CIITA: variants seen among roughly 807,000 people sequenced by gnomAD.
CIITA encodes the protein class II major histocompatibility complex transactivator.
Under a neutral mutation model 115.1 loss-of-function variants are expected in CIITA, and 72 were observed. The observed-to-expected ratio is 0.63, with a 90% CI of 0.52 to 0.76. The LOEUF (loss-of-function observed/expected upper bound fraction) is 0.76, where lower values mean the gene tolerates loss of function less well. CIITA is among the 30% of genes least tolerant of loss of function. The pLI, the probability that CIITA is intolerant of heterozygous loss-of-function variation, is 0.00. For missense variants in CIITA, 1,617 were observed against 1,463.8 expected, an observed-to-expected ratio of 1.10 and a Z score of -1.71; for synonymous variants, 763 against 635.6, an observed-to-expected ratio of 1.20 and a Z score of -3.02.
chr16:10,910,737 G>C (rs1567429864), intron 13 of CIITA, among the ~76,000 whole-genome samples: 1 of 152,176 alleles, frequency 6.6e-6, no homozygotes, highest in Non-Finnish European at 1.5e-5. Context: ...CCTTCCATAG[G>C]AGGATGCCAC....
rs1014301124 is a variant in CIITA, at chr16:10,895,435, C to G, written c.199+7C>G. ...GAGATTGAGCTCTACTCAGGTGGGC[C>G]CTCCTCCCTCTGGTCTCTTCCGGTA... On this transcript the variant is annotated splice_region_variant and intron_variant, in intron 2 of 19. Transcript: ENST00000324288. The G allele has an allele frequency of 6.2e-7, 1 of 1,612,980 alleles. No individual in the cohort carries two copies. Among genetic ancestry groups the G allele is most frequent in the Non-Finnish European group, 8.5e-7 (1 of 1,179,998 alleles).
At chr16:10,867,982 G>A (rs551416322) in intron 1 of CIITA, among the ~76,000 whole-genome samples, 5 of 151,952 alleles carry the variant, frequency 3.3e-5, no homozygotes, top group South Asian at 2.1e-4. Context: ...GGCTGCTTGC[G>A]AACCCCTGAG....
chr16:10,882,021 A>T (rs2036481080), intron 1 of CIITA, among the ~76,000 whole-genome samples: 1 of 152,162 alleles, frequency 6.6e-6, no homozygotes, highest in Non-Finnish European at 1.5e-5. Context: ...GCGGAATAGT[A>T]TTCTAATATG....
Position 10,907,250 on chromosome 16 carries a change from G to T in CIITA, c.1758G>T (p.Gly586=). The change falls in exon 11 of 20, where the codon GGG becomes GGT. Residue 586 remains glycine, a synonymous_variant. Transcript: ENST00000324288. The surrounding 1 kb of genome is among the most constrained non-coding windows in gnomAD (Gnocchi z 5.0). The part of the protein sequence containing the change: ...AYVMRYFESS[G]MTEHQDRALT... The stretch of plus-strand genomic sequence containing the variant: ...TGATGCGCTACTTTGAGAGCTCAGG[G>T]ATGACAGAGCACCAAGACAGAGCCC... 1 of 1,613,502 alleles carries T rather than the reference G, an allele frequency of 6.2e-7. No homozygotes were observed. The highest frequency in any genetic ancestry group is 8.5e-7 in the Non-Finnish European group (1 of 1,179,992).
rs989064255 is a variant in CIITA at position 10,883,211 on chromosome 16, C to T, written c.52+5829C>T. ...CAGTCACAAGATCCTCATCACTCCA[C>T]CCCCTACCCCAGCACCAGGGTCAGG... On this transcript the variant is annotated intron_variant, in intron 1 of 19. Transcript: ENST00000324288. Among the ~76,000 whole-genome samples, 9 of 152,198 alleles carry T rather than the reference C, an allele frequency of 5.9e-5. No homozygotes were observed. In the East Asian group the frequency reaches 1.7e-3, roughly 29 times the overall value.
intron 3 of CIITA, among the ~76,000 whole-genome samples, chr16:10,897,995 C>T (rs1003543668): frequency 3.3e-5 from 5 of 152,160 alleles, no homozygotes; most frequent in South Asian, 2.1e-4. Flanking sequence ...CCTCACTCTG[C>T]CACTGTGACC....
chr16:10,876,036 G>A (rs1038430044), upstream of CIITA, among the ~76,000 whole-genome samples: 1 of 152,134 alleles, frequency 6.6e-6, no homozygotes, highest in Admixed American at 6.5e-5. Flanking sequence ...TGTAATCCCA[G>A]CTGCTCGGGA....
Position 10,892,248 on chromosome 16 carries a change from C to T in CIITA, c.53-3034C>T, listed in dbSNP as rs564484340. Among the ~76,000 whole-genome samples the T allele has an allele frequency of 1.8e-4, 27 of 151,892 alleles. No homozygotes were observed. In the South Asian group the frequency reaches 3.7e-3, roughly 21 times the overall value. ...TTGAAGCAGGAGAATTGCTTGAATCCGGGAGGCAGAGGTTGCAGTGAGCCA... is the reference window on the plus strand; with the variant it reads ...TTGAAGCAGGAGAATTGCTTGAATCTGGGAGGCAGAGGTTGCAGTGAGCCA... On this transcript the variant is annotated intron_variant, in intron 1 of 19. Coordinates refer to ENST00000324288, the MANE Select transcript of CIITA (RefSeq NM_000246.4).
At chr16:10,941,015 CA>C (rs1160961158), downstream of CIITA, 2 of 152,248 alleles carry the variant, frequency 1.3e-5, no homozygotes, top group Non-Finnish European at 2.9e-5. The surrounding 1 kb of genome is among the most constrained non-coding windows in gnomAD (Gnocchi z 6.4). Flanking sequence ...GCAGCAAACC[CA>C]AGGCCAAAAG....
Position 10,907,647 on chromosome 16 carries a change from G to T in CIITA, c.2155G>T (p.Ala719Ser), listed in dbSNP as rs755306140. Reference sequence around the variant, plus strand: ...CTTCCTCCTGCAATGCTTCCTGGGGGCCCTGTGGCTGGCTCTGAGTGGCGA... The same window carrying T: ...CTTCCTCCTGCAATGCTTCCTGGGGTCCCTGTGGCTGGCTCTGAGTGGCGA... Reference protein sequence around the residue: ...PSFLLQCFLGALWLALSGEIK... With the variant: ...PSFLLQCFLGSLWLALSGEIK... Residue 719 changes from alanine to serine, a missense_variant, in exon 11 of 20, where the codon GCC (alanine) becomes TCC (serine). Coordinates refer to ENST00000324288, the MANE Select transcript of CIITA (RefSeq NM_000246.4). This position sits in a 1 kb window ranked among gnomAD's most constrained non-coding sequence, Gnocchi z 5.0. 4 of 1,614,228 alleles carry T rather than the reference G, an allele frequency of 2.5e-6. No individual in the cohort carries two copies. The South Asian group carries it at 4.4e-5, about 18-fold the overall frequency.
Position 10,941,949 on chromosome 16 carries a change from G to T in CIITA, n.1075G>T. 1.3e-6 allele frequency: 2 copies of T among 1,575,672 alleles called. No homozygotes were observed. Among genetic ancestry groups the T allele is most frequent in the South Asian group, 1.1e-5 (1 of 87,084 alleles). On this transcript the variant is annotated non_coding_transcript_exon_variant, in exon 2 of 2. Transcript: ENST00000573379. This position sits in a 1 kb window ranked among gnomAD's most constrained non-coding sequence, Gnocchi z 6.4. ...TAGAGGGCAGCAGCGGCGGCGGCAC[G>T]TAGGGGACCAGGGGGCCCAGTGCGT...
At chr16:10,876,855 A>G (rs1037407032), upstream of CIITA, among the ~76,000 whole-genome samples, 1 of 152,164 alleles carries the variant, frequency 6.6e-6, no homozygotes, top group African/African-American at 2.4e-5. Flanking sequence ...ATCTGGGCGG[A>G]GGGCTATGAT....
At position 10,906,914 on chromosome 16, in the gene CIITA, A is replaced by C. The variant is rs751115130; in HGVS notation, c.1422A>C (p.Pro474=). The C allele has an allele frequency of 6.2e-7, 1 of 1,613,334 alleles. No homozygotes were observed. The highest frequency in any genetic ancestry group is 1.3e-5 in the African/African-American group (1 of 74,908). ...AGGATCTGCTCTTCTCCCTGGGCCC[A>C]CAGCCACTCGTGGCGGCCGATGAGG... is the stretch of plus-strand genomic sequence containing the variant. ...GLQDLLFSLG[P]QPLVAADEVF... is the part of the protein sequence containing the mutation. The change falls in exon 11 of 20, where the codon CCA becomes CCC. Residue 474 remains proline, a synonymous_variant. Coordinates refer to ENST00000324288, the MANE Select transcript of CIITA (RefSeq NM_000246.4).
In CIITA at chr16:10,908,152, G is replaced by T; in HGVS notation, c.2657+3G>T. The stretch of plus-strand genomic sequence containing the variant: ...CTCAGCTGTGTCACCCGTTTCAGGT[G>T]GGGTGAGGGGCTTGGGGAAGAGACA... On this transcript the variant is annotated splice_donor_region_variant and intron_variant, in intron 11 of 19. Coordinates refer to ENST00000324288, the MANE Select transcript of CIITA (RefSeq NM_000246.4). 6.4e-7 allele frequency: 1 copy of T among 1,558,282 alleles called. No homozygotes were observed. The highest frequency in any genetic ancestry group is 8.7e-7 in the Non-Finnish European group (1 of 1,150,824).
rs2040536052 is a variant in CIITA, at chr16:10,926,483, G to A, written c.*2628G>A. Reference sequence around the variant, plus strand: ...TTGGTCTGTGTGATGATGAAATGAGGTCAGAGCCTGCAGTTATTAACACTA... The same window carrying A: ...TTGGTCTGTGTGATGATGAAATGAGATCAGAGCCTGCAGTTATTAACACTA... On this transcript the variant is annotated 3_prime_UTR_variant, in exon 20 of 20. Transcript: ENST00000324288. 3 of 152,222 alleles carry A rather than the reference G, an allele frequency of 2.0e-5. No homozygotes were observed. Among genetic ancestry groups the A allele is most frequent in the African/African-American group, 7.2e-5 (3 of 41,454 alleles). The allele number at this position is 152,222 out of a possible 1,614,324, so 9.4% of individuals were successfully genotyped here.
chr16:10,910,048 TAAGAGGGGGA>T, intron 12 of CIITA, 130 bp from the exon 13 acceptor site: 1 of 705,340 alleles, frequency 1.4e-6, no homozygotes, highest in African/African-American at 1.8e-5. Context: ...TCTTTTTTTT[TAAGAGGGGGA>T]CAACAGTTGC....
chr16:10,917,079 T>C (rs2039991946), intron 15 of CIITA: 1 of 221,458 alleles, frequency 4.5e-6, no homozygotes, highest in African/African-American at 2.2e-5. Context: ...GATTAGGATT[T>C]ATCAATAAAG....
intron 3 of CIITA, among the ~76,000 whole-genome samples, chr16:10,896,086 C>A (rs2038096207): frequency 6.6e-6 from 1 of 152,126 alleles, no homozygotes; most frequent in Non-Finnish European, 1.5e-5. Context: ...TACCATACAC[C>A]CCTTTCCCTT....
chr16:10,894,613 A>G (rs1336063452), intron 1 of CIITA, among the ~76,000 whole-genome samples: 2 of 152,256 alleles, frequency 1.3e-5, no homozygotes, highest in Admixed American at 6.5e-5. Flanking sequence ...AATAGTGTTA[A>G]AAGTATTTAA....
Sources: gnomAD v4.1 joint callset for allele counts (sites outside exome capture counted in the v4.1 genomes callset) on GRCh38, gnomAD v4.1.1 for gene constraint, Gnocchi (gnomAD v3.1) non-coding constraint, MANE v1.5 for transcripts, NCBI Gene and HGNC (gene_info 2026-07-23, HGNC 2026-07-21) for gene names.